PHF24: variants seen among roughly 807,000 people sequenced by gnomAD.
PHF24 encodes the protein Galpha inhibitory interacting protein.
A neutral mutation model predicts 42.6 loss-of-function variants in PHF24; 25 were observed. The ratio of observed to expected loss-of-function variants is 0.59; its 90% confidence interval spans 0.43 to 0.82. The LOEUF (loss-of-function observed/expected upper bound fraction) is 0.82, where lower values mean the gene tolerates loss of function less well. Ranked by LOEUF, PHF24 falls within the 40% of genes least tolerant of loss-of-function variation. The pLI is 0.00. For synonymous variants in PHF24, 185 were observed against 204.8 expected (o/e 0.90, Z 0.83); for missense variants, 470 against 538.1 (o/e 0.87, Z 1.25).
At chr9:34,734,754 G>A in the PHF24 span, among the ~76,000 whole-genome samples, 1 of 152,160 alleles carries the variant, frequency 6.6e-6, no homozygotes, top group Non-Finnish European at 1.5e-5. Flanking sequence ...AGATTCAGGG[G>A]CACAGCCCCT....
the PHF24 span, among the ~76,000 whole-genome samples, chr9:34,866,534 A>C: frequency 1.3e-5 from 2 of 152,210 alleles, no homozygotes; most frequent in East Asian, 3.9e-4. Flanking sequence ...ATGAAAAACC[A>C]ACAGAACCAG....
At chr9:34,896,732 A>G in the PHF24 span, among the ~76,000 whole-genome samples, 1 of 152,186 alleles carries the variant, frequency 6.6e-6, no homozygotes, top group Non-Finnish European at 1.5e-5. Context: ...TCCTTTGCCC[A>G]CTGATTCTCA....
chr9:34,977,674 C>T (rs751553579), intron 7 of PHF24, 33 bp downstream of exon 7: 1 of 1,501,898 alleles, frequency 6.7e-7, no homozygotes, highest in Non-Finnish European at 9.1e-7. Flanking sequence ...GCCATTTGTA[C>T]CCTCTGAACC....
chr9:34,801,237 G>C, the PHF24 span, among the ~76,000 whole-genome samples: 1 of 152,138 alleles, frequency 6.6e-6, no homozygotes, highest in African/African-American at 2.4e-5. Context: ...AGACAGTGTG[G>C]CAATTCCTCA....
the PHF24 span, among the ~76,000 whole-genome samples, chr9:34,801,620 G>A: frequency 3.3e-5 from 5 of 152,022 alleles, no homozygotes; most frequent in Non-Finnish European, 5.9e-5. Flanking sequence ...CCAGCTACTC[G>A]GGAGGCTGAA....
upstream of PHF24, among the ~76,000 whole-genome samples, chr9:34,955,074 A>G (rs532109327): frequency 6.6e-6 from 1 of 152,210 alleles, no homozygotes; most frequent in Admixed American, 6.5e-5. Context: ...GTTTCTTGCT[A>G]TGTTGCCCAG....
At chr9:34,860,080 TCTC>T in the PHF24 span, among the ~76,000 whole-genome samples, 1 of 152,190 alleles carries the variant, frequency 6.6e-6, no homozygotes, top group Non-Finnish European at 1.5e-5. Flanking sequence ...ACCTCCATCT[TCTC>T]AACTCATGGA....
At chr9:34,757,029 T>C in the PHF24 span, among the ~76,000 whole-genome samples, 1 of 152,090 alleles carries the variant, frequency 6.6e-6, no homozygotes, top group Non-Finnish European at 1.5e-5. Flanking sequence ...CTCAGCTTCC[T>C]GAGTAGCTGG....
At chr9:34,755,345 C>A in the PHF24 span, among the ~76,000 whole-genome samples, 4 of 151,772 alleles carry the variant, frequency 2.6e-5, no homozygotes, top group South Asian at 2.1e-4. Flanking sequence ...TACAATGTAC[C>A]CACAAAAATA....
chr9:34,837,233 A>G, the PHF24 span: 1 of 414,082 alleles, frequency 2.4e-6, no homozygotes, highest in Non-Finnish European at 4.9e-6. Context: ...GACACTGAGA[A>G]CCCTAATTAT....
chr9:34,874,525 T>G, the PHF24 span, among the ~76,000 whole-genome samples: 3 of 152,192 alleles, frequency 2.0e-5, no homozygotes, highest in Non-Finnish European at 4.4e-5. Flanking sequence ...TCCAGACATT[T>G]TGTTCCTGTT....
the PHF24 span, among the ~76,000 whole-genome samples, chr9:34,911,541 C>G: frequency 1.3e-5 from 2 of 152,184 alleles, no homozygotes; most frequent in African/African-American, 4.8e-5. Context: ...CGTGAGCCAC[C>G]GCGCCCGGCC....
the PHF24 span, among the ~76,000 whole-genome samples, chr9:34,878,316 G>A: frequency 6.6e-6 from 1 of 152,196 alleles, no homozygotes; most frequent in Non-Finnish European, 1.5e-5. Flanking sequence ...ACAGAAGACA[G>A]GTGATTTCTG....
the PHF24 span, among the ~76,000 whole-genome samples, chr9:34,803,514 A>G: frequency 1.3e-5 from 2 of 152,178 alleles, no homozygotes; most frequent in African/African-American, 4.8e-5. Context: ...CTGTGAAAAC[A>G]GGAGTGTAAG....
chr9:34,781,787 TA>T, the PHF24 span, among the ~76,000 whole-genome samples: 1 of 151,788 alleles, frequency 6.6e-6, no homozygotes, highest in African/African-American at 2.4e-5. Flanking sequence ...TCATTTTCTG[TA>T]GGGGGAGAAA....
the PHF24 span, among the ~76,000 whole-genome samples, chr9:34,867,623 G>C: frequency 1.3e-5 from 2 of 151,924 alleles, no homozygotes; most frequent in African/African-American, 2.4e-5. Flanking sequence ...CAGAGGATAG[G>C]GACTCCTTTT....
chr9:34,699,808 C>T, the PHF24 span, among the ~76,000 whole-genome samples: 10 of 152,330 alleles, frequency 6.6e-5, no homozygotes, highest in South Asian at 4.1e-4. Flanking sequence ...AACAGATACG[C>T]GTTCCTGCTC....
At chr9:34,711,482 C>A in the PHF24 span, among the ~76,000 whole-genome samples, 3 of 151,826 alleles carry the variant, frequency 2.0e-5, no homozygotes, top group South Asian at 6.2e-4. Flanking sequence ...ATTCACCCGC[C>A]TTGGCCTCCC....
At chr9:34,708,480 G>T in the PHF24 span, among the ~76,000 whole-genome samples, 3 of 152,282 alleles carry the variant, frequency 2.0e-5, no homozygotes, top group South Asian at 4.1e-4. Flanking sequence ...GTCCCCTCGG[G>T]TCTTTGCCTC....
Sources: gnomAD v4.1 joint callset for allele counts (sites outside exome capture counted in the v4.1 genomes callset) on GRCh38, gnomAD v4.1.1 for gene constraint, MANE v1.5 for transcripts, NCBI Gene and HGNC (gene_info 2026-07-23, HGNC 2026-07-21) for gene names.